Variants in B3GALT1 observed in about 807,000 individuals in gnomAD.
B3GALT1 encodes the protein beta-1,3-galactosyltransferase 1, also known as UDP-Gal:betaGlcNAc beta 1,3-galactosyltransferase, polypeptide 1.
Under a neutral mutation model 23.2 loss-of-function variants are expected in B3GALT1, and 10 were observed. That is an observed-to-expected ratio of 0.43 (90% CI 0.27 to 0.73). The LOEUF (loss-of-function observed/expected upper bound fraction) is 0.73, where lower values mean the gene tolerates loss of function less well. B3GALT1 is among the 30% of genes least tolerant of loss of function. B3GALT1 has a pLI of 0.21. For missense variants in B3GALT1, 299 were observed against 405.4 expected (o/e 0.74, Z 2.25); for synonymous variants, 156 against 141.5 (o/e 1.10, Z -0.73).
At chr2:167,468,691 G>GTGAA (rs1240270661) in intron 1 of B3GALT1, among the ~76,000 whole-genome samples, 2 of 152,126 alleles carry the variant, frequency 1.3e-5, no homozygotes, top group African/African-American at 4.8e-5. Context: ...GACTAACATG[G>GTGAA]TGAAGCCCCA....
At chr2:167,777,101 T>C (rs1056956569) in intron 3 of B3GALT1, among the ~76,000 whole-genome samples, 9 of 152,226 alleles carry the variant, frequency 5.9e-5, no homozygotes, top group Non-Finnish European at 1.0e-4. Context: ...CTAATTTTTC[T>C]AAGTATCAGG....
intron 1 of B3GALT1, among the ~76,000 whole-genome samples, chr2:167,364,374 C>G (rs1173301299): frequency 6.7e-6 from 1 of 148,590 alleles, no homozygotes; most frequent in African/African-American, 2.5e-5. Context: ...ACTTTAAGTT[C>G]TAGGGTACAT....
intron 3 of B3GALT1, chr2:167,715,605 C>A (rs950302962): frequency 1.2e-6 from 2 of 1,613,744 alleles, no homozygotes; most frequent in African/African-American, 2.7e-5. Flanking sequence ...GATTTCTCTT[C>A]TTTTAACTCT....
chr2:167,554,987 G>A (rs536857212), intron 2 of B3GALT1, among the ~76,000 whole-genome samples: 4 of 152,092 alleles, frequency 2.6e-5, no homozygotes, highest in African/African-American at 9.6e-5. Flanking sequence ...CTGTCTTCTG[G>A]GTCTTCAAAC....
chr2:167,576,522 T>G (rs78018867), intron 2 of B3GALT1, among the ~76,000 whole-genome samples: 52 of 75,460 alleles, frequency 6.9e-4, no homozygotes, highest in East Asian at 6.5e-3. Flanking sequence ...GTTTTTCTGT[T>G]TTTTTTTTTG....
chr2:167,652,533 C>T (rs1429260957), intron 3 of B3GALT1, among the ~76,000 whole-genome samples: 1 of 152,164 alleles, frequency 6.6e-6, no homozygotes, highest in East Asian at 1.9e-4. Flanking sequence ...CAAATGAATT[C>T]CTCAGTAGTC....
At chr2:167,442,237 C>T (rs933055825) in intron 1 of B3GALT1, among the ~76,000 whole-genome samples, 18 of 152,074 alleles carry the variant, frequency 1.2e-4, no homozygotes, top group African/African-American at 3.9e-4. Context: ...CATAGTATTC[C>T]ATGGTGTATA....
chr2:167,406,678 C>T (rs1304847951), intron 1 of B3GALT1, among the ~76,000 whole-genome samples: 1 of 152,196 alleles, frequency 6.6e-6, no homozygotes, highest in Non-Finnish European at 1.5e-5. Flanking sequence ...TCCCTGCGGA[C>T]AGGCAGAGAC....
At chr2:167,719,440 C>G (rs939560413) in intron 3 of B3GALT1, among the ~76,000 whole-genome samples, 3 of 152,132 alleles carry the variant, frequency 2.0e-5, no homozygotes, top group African/African-American at 7.2e-5. Flanking sequence ...TAAAGTTTAC[C>G]TAATATAATT....
At chr2:167,468,925 C>T (rs1389265117) in intron 1 of B3GALT1, among the ~76,000 whole-genome samples, 3 of 152,098 alleles carry the variant, frequency 2.0e-5, no homozygotes, top group Non-Finnish European at 4.4e-5. Flanking sequence ...TAAAATCAGG[C>T]ATAAGGCAAG....
chr2:167,830,079 G>T (rs1255954383), intron 4 of B3GALT1, among the ~76,000 whole-genome samples: 4 of 152,226 alleles, frequency 2.6e-5, no homozygotes, highest in Non-Finnish European at 5.9e-5. Context: ...TGACATTTGT[G>T]TGGAAGTCCT....
In B3GALT1 at chr2:167,870,175, A is replaced by C. The variant is rs898326739; in HGVS notation, c.*155A>C. Reference sequence around the variant, plus strand: ...AGTTCTTTTCTTGGATTACCAATTTATGAATGTTAGACTCTGGTCATAGAA... The same window carrying C: ...AGTTCTTTTCTTGGATTACCAATTTCTGAATGTTAGACTCTGGTCATAGAA... On this transcript the variant is annotated 3_prime_UTR_variant, in exon 5 of 5. Coordinates refer to ENST00000392690, the MANE Select transcript of B3GALT1 (RefSeq NM_020981.4). The C allele has an allele frequency of 4.1e-6, 3 of 730,786 alleles. No homozygotes were observed. In the African/African-American group the frequency reaches 5.3e-5, roughly 13 times the overall value. 45.3% of individuals were successfully genotyped at this position (730,786 alleles called of 1,614,324 possible).
intron 1 of B3GALT1, among the ~76,000 whole-genome samples, chr2:167,428,671 C>T (rs1698659652): frequency 1.3e-5 from 2 of 151,526 alleles, no homozygotes; most frequent in African/African-American, 2.4e-5. Flanking sequence ...GAGCGAGACT[C>T]CATTTAAAAA....
chr2:167,864,393 A>G (rs1690168615), intron 4 of B3GALT1, among the ~76,000 whole-genome samples: 1 of 152,150 alleles, frequency 6.6e-6, no homozygotes, highest in South Asian at 2.1e-4. Flanking sequence ...TGTCTCTACT[A>G]AAAATAGAAA....
chr2:167,462,646 T>TG (rs1481605138), intron 1 of B3GALT1, among the ~76,000 whole-genome samples: 1 of 152,124 alleles, frequency 6.6e-6, no homozygotes, highest in African/African-American at 2.4e-5. Context: ...ATTCAAAGGT[T>TG]GGTGTAATTT....
At chr2:167,774,485 GTTTTT>G (rs767692581) in intron 3 of B3GALT1, among the ~76,000 whole-genome samples, 3 of 105,178 alleles carry the variant, frequency 2.9e-5, no homozygotes, top group Non-Finnish European at 4.0e-5. Context: ...TTTTTTTTTT[GTTTTT>G]TTTTTTGTTT....
chr2:167,304,921 C>T (rs759145264), intron 1 of B3GALT1, among the ~76,000 whole-genome samples: 38 of 152,176 alleles, frequency 2.5e-4, no homozygotes, highest in East Asian at 5.8e-4. Context: ...TGTCCAAGGA[C>T]GGGAGAAGAT....
chr2:167,720,392 C>T (rs1334333772), intron 3 of B3GALT1, among the ~76,000 whole-genome samples: 1 of 152,110 alleles, frequency 6.6e-6, no homozygotes, highest in Non-Finnish European at 1.5e-5. Context: ...TACAGCATGG[C>T]AAACATCTGG....
intron 1 of B3GALT1, among the ~76,000 whole-genome samples, chr2:167,454,887 G>A (rs1699145979): frequency 1.3e-5 from 2 of 152,150 alleles, no homozygotes; most frequent in South Asian, 2.1e-4. Flanking sequence ...TCCAGCCAAT[G>A]TTTGGGCCTC....
Sources: allele counts gnomAD v4.1 joint callset (sites outside exome capture counted in the v4.1 genomes callset), GRCh38; gene constraint gnomAD v4.1.1; transcripts MANE v1.5; gene names NCBI Gene and HGNC (gene_info 2026-07-23, HGNC 2026-07-21).